The following PRKG2 variants were observed in gnomAD, a reference collection of about 807,000 sequenced individuals.
The protein encoded by PRKG2 is protein kinase cGMP-dependent 2, also known as cGMP-dependent protein kinase 2.
PRKG2 carries 33 observed loss-of-function variants against 97.2 expected under a neutral mutation model. The ratio of observed to expected loss-of-function variants is 0.34; its 90% CI spans 0.26 to 0.45. The LOEUF (loss-of-function observed/expected upper bound fraction) is 0.45, where lower values mean the gene tolerates loss of function less well. Ranked by LOEUF, PRKG2 falls within the 20% of genes least tolerant of loss-of-function variation. The pLI is 1.00. For missense variants in PRKG2, 638 were observed against 900.0 expected (o/e 0.71, Z 3.73); for synonymous variants, 330 against 321.8 (o/e 1.03, Z -0.27).
chr4:81,095,755 G>A (rs1742047812), intron 17 of PRKG2, among the ~76,000 whole-genome samples: 1 of 152,184 alleles, frequency 6.6e-6, no homozygotes, highest in South Asian at 2.1e-4. Context: ...GACTCATAGA[G>A]TCTATTCTTG....
At position 81,198,730 on chromosome 4, in the gene PRKG2, C is replaced by T. The variant is rs146146438; in HGVS notation, c.461+5857G>A. On this transcript the variant is annotated intron_variant, in intron 2 of 18. Transcript: ENST00000264399. ...CCTTCAGTAAAACAAAAAACTGATG[C>T]CTCATTAGGCAAGTCTGAGGCCTTC... Among the ~76,000 whole-genome samples the T allele has an allele frequency of 7.4e-4, 113 of 152,284 alleles. 1 individual carries two copies. In the East Asian group the frequency reaches 0.019, roughly 25 times the overall value.
chr4:81,152,983 T>C (rs1748567338), intron 7 of PRKG2, among the ~76,000 whole-genome samples: 1 of 152,216 alleles, frequency 6.6e-6, no homozygotes, highest in Non-Finnish European at 1.5e-5. Flanking sequence ...TGACAGTTTA[T>C]ACACACAGGT....
intron 2 of PRKG2, among the ~76,000 whole-genome samples, chr4:81,189,650 T>C (rs1009672458): frequency 6.6e-6 from 1 of 151,284 alleles, no homozygotes. Flanking sequence ...TTAGGAGATA[T>C]ACCTAATGCT....
At chr4:81,197,981 G>A (rs1753066818) in intron 2 of PRKG2, among the ~76,000 whole-genome samples, 1 of 152,198 alleles carries the variant, frequency 6.6e-6, no homozygotes, top group Admixed American at 6.5e-5. Context: ...AAGTGCCATG[G>A]TTTTTGTGTA....
At chr4:81,179,662 G>T (rs758901271) in intron 2 of PRKG2, among the ~76,000 whole-genome samples, 1 of 152,122 alleles carries the variant, frequency 6.6e-6, no homozygotes, top group African/African-American at 2.4e-5. Flanking sequence ...TGTAAAATAT[G>T]TAAGAAATAA....
chr4:81,122,725 A>T (rs1028011429), intron 14 of PRKG2, among the ~76,000 whole-genome samples: 4 of 152,196 alleles, frequency 2.6e-5, no homozygotes, highest in Admixed American at 2.6e-4. Flanking sequence ...ATTGCCAAGA[A>T]TTGATGAAGG....
chr4:81,210,045 C>A (rs2110136093), intron 1 of PRKG2, among the ~76,000 whole-genome samples: 1 of 152,090 alleles, frequency 6.6e-6, no homozygotes, highest in South Asian at 2.1e-4. Flanking sequence ...AAAATAGAAT[C>A]TAGATACCGA....
chr4:81,167,323 A>G (rs902895895), intron 5 of PRKG2, 99 bp from the exon 6 acceptor site: 3 of 719,600 alleles, frequency 4.2e-6, no homozygotes, highest in African/African-American at 3.7e-5. Context: ...TTTAAAAAAT[A>G]TAATGCACTT....
chr4:81,101,572 G>C (rs1742778618), intron 17 of PRKG2, among the ~76,000 whole-genome samples: 1 of 133,332 alleles, frequency 7.5e-6, no homozygotes, highest in Non-Finnish European at 1.6e-5. Flanking sequence ...GTTGTGGGGT[G>C]GGGGGAGGGG....
chr4:81,151,872 T>C, intron 8 of PRKG2, 88 bp downstream of exon 8: 1 of 1,005,088 alleles, frequency 9.9e-7, no homozygotes, highest in Non-Finnish European at 1.5e-6. Context: ...ATTAACTTGG[T>C]AGCTCAATTT....
intron 1 of PRKG2, among the ~76,000 whole-genome samples, chr4:81,205,717 T>A (rs1476673246): frequency 2.0e-5 from 3 of 152,218 alleles, no homozygotes; most frequent in Non-Finnish European, 4.4e-5. Flanking sequence ...ATGTCCAAAG[T>A]GGAGGATCTC....
intron 11 of PRKG2, among the ~76,000 whole-genome samples, chr4:81,142,238 C>G (rs141803699): frequency 1.1e-3 from 169 of 152,364 alleles, no homozygotes; most frequent in African/African-American, 3.9e-3. Flanking sequence ...ATCAACACTA[C>G]AGAAGGCTTC....
chr4:81,200,087 G>T (rs1753208658), intron 2 of PRKG2, among the ~76,000 whole-genome samples: 1 of 152,098 alleles, frequency 6.6e-6, no homozygotes, highest in African/African-American at 2.4e-5. Context: ...TCCTATTTTT[G>T]CTCTGATGAA....
At chr4:81,207,163 G>C (rs1291614958) in intron 1 of PRKG2, among the ~76,000 whole-genome samples, 1 of 152,132 alleles carries the variant, frequency 6.6e-6, no homozygotes, top group Non-Finnish European at 1.5e-5. Context: ...ATTGAAATCT[G>C]AGAATAAACC....
At position 81,208,737 on chromosome 4, in the gene PRKG2, C is replaced by T. The variant is rs138817764; in HGVS notation, c.-13-3677G>A. On this transcript the variant is annotated intron_variant, in intron 1 of 18. Coordinates refer to ENST00000264399, the MANE Select transcript of PRKG2 (RefSeq NM_006259.3). Reference sequence around the variant, plus strand: ...CATTATTCCTTTGGGAGGTGGTGGCCGGGAGTAAGGGACTCTTACTTTGCC... The same window carrying T: ...CATTATTCCTTTGGGAGGTGGTGGCTGGGAGTAAGGGACTCTTACTTTGCC... Among the ~76,000 whole-genome samples the T allele has an allele frequency of 2.6e-4, 39 of 151,996 alleles. No individual in the cohort carries two copies. In the East Asian group the frequency reaches 6.0e-3, roughly 23 times the overall value.
At chr4:81,162,399 C>G (rs935350387) in intron 6 of PRKG2, among the ~76,000 whole-genome samples, 3 of 152,088 alleles carry the variant, frequency 2.0e-5, no homozygotes, top group African/African-American at 2.4e-5. Context: ...AATTCCACAC[C>G]AAGCCCATGC....
At position 81,099,361 on chromosome 4, in the gene PRKG2, AC is replaced by A. The variant is rs1227896125; in HGVS notation, c.2126+5008del. On this transcript the variant is annotated intron_variant, in intron 17 of 18. Coordinates refer to ENST00000264399, the MANE Select transcript of PRKG2 (RefSeq NM_006259.3). Reference sequence around the variant, plus strand: ...CAGCAGCACATCAAAAAGCTTATCCACCATGATCAAGTGGGCTTCATCCCTG... The same window carrying A: ...CAGCAGCACATCAAAAAGCTTATCCACATGATCAAGTGGGCTTCATCCCTG... 2.6e-5 allele frequency among the ~76,000 whole-genome samples: 4 copies of A among 152,266 alleles called. No homozygotes were observed. In the Middle Eastern group the frequency reaches 0.01, roughly 388 times the overall value.
intron 1 of PRKG2, among the ~76,000 whole-genome samples, chr4:81,209,427 A>G (rs1753853826): frequency 1.3e-5 from 2 of 152,122 alleles, no homozygotes; most frequent in Admixed American, 6.5e-5. Context: ...TATATCTGTC[A>G]ATATGGGAGA....
chr4:81,186,638 G>A (rs1016454486), intron 2 of PRKG2, among the ~76,000 whole-genome samples: 1 of 152,022 alleles, frequency 6.6e-6, no homozygotes, highest in Admixed American at 6.6e-5. Flanking sequence ...AGAACTGAAG[G>A]AGAAAGAGAC....
Sources: gnomAD v4.1 joint callset for allele counts (sites outside exome capture counted in the v4.1 genomes callset) on GRCh38, gnomAD v4.1.1 for gene constraint, MANE v1.5 for transcripts, NCBI Gene and HGNC (gene_info 2026-07-23, HGNC 2026-07-21) for gene names.